Variants in MCM3 observed in about 807,000 individuals in gnomAD.
MCM3 encodes the protein DNA replication licensing factor MCM3.
Under a neutral mutation model 91.3 loss-of-function variants are expected in MCM3, and 59 were observed. The ratio of observed to expected loss-of-function variants is 0.65; its 90% confidence interval spans 0.52 to 0.80. The LOEUF is 0.80. MCM3 is among the 30% of genes least tolerant of loss of function. MCM3 has a pLI of 0.00. For missense variants in MCM3, 919 were observed against 1,035.4 expected (o/e 0.89, Z 1.54); for synonymous variants, 383 against 379.6 (o/e 1.01, Z -0.10).
chr6:52,266,716 T>C lies in MCM3; in HGVS notation c.2073-20A>G, dbSNP rs1562372998. 1 of 1,599,180 alleles carries C rather than the reference T, an allele frequency of 6.3e-7. No homozygotes were observed. The highest frequency in any genetic ancestry group is 8.6e-7 in the Non-Finnish European group (1 of 1,166,510). On this transcript the variant is annotated intron_variant, in intron 14 of 16. Coordinates refer to ENST00000596288, the MANE Select transcript of MCM3 (RefSeq NM_002388.6). ...TTCCTTCTAAAATACCCACAGCAGTTAAGAGAGAGAAAGAGTTTGGAGACA... is the reference window on the plus strand; with the variant it reads ...TTCCTTCTAAAATACCCACAGCAGTCAAGAGAGAGAAAGAGTTTGGAGACA...
rs1415108126 is a variant in MCM3, at chr6:52,282,718, G to C, written c.335C>G (p.Ser112Cys). 1 of 1,613,988 alleles carries C rather than the reference G, an allele frequency of 6.2e-7. No homozygotes were observed. The highest frequency in any genetic ancestry group is 8.5e-7 in the Non-Finnish European group (1 of 1,180,024). ...GAAGCAGGAGGTAAGAGTCCGCGGG[G>C]AGACGTGCTTGGAGCCAAAGCTGCC... ...LEGSFGSKHVSPRTLTSCFLS... is the reference protein window; with the variant it reads ...LEGSFGSKHVCPRTLTSCFLS... Residue 112 changes from serine (S) to cysteine (C), a missense_variant, in exon 3 of 17, where the codon TCC becomes TGC. Physicochemically the swap from Ser to Cys is moderately radical, Grantham distance 112. Around this residue, in one of 3 missense-constraint regions of MCM3, gnomAD observed 401 missense variants for 402.7 expected, o/e 1.00. Coordinates refer to ENST00000596288, the MANE Select transcript of MCM3 (RefSeq NM_002388.6).
chr6:52,277,019 T>C (rs201805667), intron 8 of MCM3, 48 bp downstream of exon 8: 31 of 1,588,520 alleles, frequency 2.0e-5, no homozygotes, highest in Non-Finnish European at 2.5e-5. Flanking sequence ...AAAGGATCTA[T>C]GCTCAGGCTC....
chr6:52,268,117 G>A (rs1056137974), intron 13 of MCM3, 149 bp from the exon 14 acceptor site: 1 of 1,035,420 alleles, frequency 9.7e-7, no homozygotes, highest in Non-Finnish European at 1.4e-6. Context: ...TAAGTCCCAG[G>A]ACCAGGGGCA....
At chr6:52,272,221 T>C in intron 12 of MCM3, 80 bp downstream of exon 12, 1 of 1,448,030 alleles carries the variant, frequency 6.9e-7, no homozygotes, top group East Asian at 2.3e-5. Context: ...TAAAATGCTT[T>C]CAAAGCTCCC....
chr6:52,265,583 A>G (rs1464389107), intron 16 of MCM3, among the ~76,000 whole-genome samples: 1 of 152,124 alleles, frequency 6.6e-6, no homozygotes, highest in Non-Finnish European at 1.5e-5. Flanking sequence ...AATTTTTTTC[A>G]GTAAATACAC....
chr6:52,282,284 C>T, intron 3 of MCM3, 109 bp from the exon 4 acceptor site: 1 of 971,840 alleles, frequency 1.0e-6, no homozygotes, highest in South Asian at 1.5e-5. Context: ...GTTTTTTTGA[C>T]TAGGTTACGA....
rs1012570000 is a variant in MCM3, at chr6:52,273,681, A to G, written c.1549+61T>C. On this transcript the variant is annotated intron_variant, in intron 10 of 16. Transcript: ENST00000596288. ...CCTACCACCACCTGGGTTGGGCCTG[A>G]GAAACTACCATCTGTTTAGCGCCTT... The G allele has an allele frequency of 3.3e-6, 5 of 1,527,724 alleles. No homozygotes were observed. The Admixed American group carries it at 7.5e-5, about 23-fold the overall frequency. 94.6% of individuals were successfully genotyped at this position (1,527,724 alleles called of 1,614,324 possible).
At chr6:52,278,694 C>T in intron 6 of MCM3, 48 bp downstream of exon 6, 1 of 1,337,552 alleles carries the variant, frequency 7.5e-7, no homozygotes, top group Non-Finnish European at 1.1e-6. Context: ...CAAAACACAA[C>T]TCTTAGAAAT....
At chr6:52,277,786 G>C (rs925305196) in intron 6 of MCM3, 98 bp from the exon 7 acceptor site, 76 of 1,090,892 alleles carry the variant, frequency 7.0e-5, no homozygotes, top group Non-Finnish European at 9.1e-5. Flanking sequence ...TACTTGAAGA[G>C]GGCCAGGCGC....
At chr6:52,265,038 C>T (rs975962604) in intron 16 of MCM3, among the ~76,000 whole-genome samples, 2 of 152,144 alleles carry the variant, frequency 1.3e-5, no homozygotes, top group African/African-American at 2.4e-5. Context: ...AGCGTCAATG[C>T]GGGACAATTT....
rs759219100 is a variant in MCM3, at chr6:52,283,278, T to C, written c.191+16A>G. 3.5e-5 allele frequency: 56 copies of C among 1,602,996 alleles called. No homozygotes were observed. The Middle Eastern group carries it at 5.0e-4, about 14-fold the overall frequency. On this transcript the variant is annotated intron_variant, in intron 2 of 16. Coordinates refer to ENST00000596288, the MANE Select transcript of MCM3 (RefSeq NM_002388.6). ...GCCATTCTCACTGACAGCCAGTATA[T>C]CCCCTTGCCTCTCACCGGTTAGCCC...
chr6:52,264,869 G>A (rs2307326), intron 16 of MCM3, 83 bp from the exon 17 acceptor site: 640,260 of 1,137,640 alleles, frequency 0.56, 184,695 homozygotes, highest in Middle Eastern at 0.65. Context: ...AAAATCCATA[G>A]TATTAATACA....
chr6:52,281,520 T>C (rs1196639917), intron 4 of MCM3, among the ~76,000 whole-genome samples: 1 of 150,566 alleles, frequency 6.6e-6, no homozygotes, highest in Non-Finnish European at 1.5e-5. Context: ...TAGAAAAAAG[T>C]GAAAAAAAAA....
rs1245344944 is a variant in MCM3, at chr6:52,272,380, G to A, written c.1748C>T (p.Thr583Ile). ...TGCAATGTAGGTGGCCGACTCCTGTGTCAGGACAGGCTTGATGATTTTGGC... is the reference window on the plus strand; with the variant it reads ...TGCAATGTAGGTGGCCGACTCCTGTATCAGGACAGGCTTGATGATTTTGGC... ...HVAKIIKPVL[T>I]QESATYIAEE... The change falls in exon 12 of 17, where the codon ACA becomes ATA. Residue 583 changes from threonine to isoleucine, a missense_variant. Transcript: ENST00000596288. 2 of 1,614,060 alleles carry A rather than the reference G, an allele frequency of 1.2e-6. No individual in the cohort carries two copies. The highest frequency in any genetic ancestry group is 1.3e-5 in the African/African-American group (1 of 74,920).
At chr6:52,271,004 A>G (rs1765089915) in intron 12 of MCM3, among the ~76,000 whole-genome samples, 1 of 151,818 alleles carries the variant, frequency 6.6e-6, no homozygotes, top group South Asian at 2.1e-4. Flanking sequence ...CGAGGTCAGG[A>G]GATTGAGACC....
chr6:52,275,039 C>T (rs1239261065), intron 9 of MCM3, among the ~76,000 whole-genome samples: 2 of 152,160 alleles, frequency 1.3e-5, no homozygotes, highest in Admixed American at 6.6e-5. Context: ...GCTAGGATTA[C>T]AGGCATGAGA....
chr6:52,264,331 C>A lies in MCM3; in HGVS notation c.*257G>T, dbSNP rs924258455. 2 of 456,894 alleles carry A rather than the reference C, an allele frequency of 4.4e-6. No homozygotes were observed. The highest frequency in any genetic ancestry group is 3.6e-5 in the Admixed American group (1 of 27,760). The allele number at this position is 456,894 out of a possible 1,614,324, so 28.3% of individuals were successfully genotyped here. A position where few individuals can be genotyped will look rare whatever the true frequency, so the allele number is the denominator to read the frequency against. ...TGGGATGGGAAGTAGGGCGGATGAG[C>A]CAGTGCTTTTGCAATGAAGATGCAA... On this transcript the variant is annotated 3_prime_UTR_variant, in exon 17 of 17. Coordinates refer to ENST00000596288, the MANE Select transcript of MCM3 (RefSeq NM_002388.6).
intron 12 of MCM3, among the ~76,000 whole-genome samples, chr6:52,271,645 CA>C (rs1489901449): frequency 6.6e-6 from 1 of 151,862 alleles, no homozygotes; most frequent in East Asian, 1.9e-4. Flanking sequence ...TCTGTCTCAC[CA>C]AAACAAAAAC....
intron 14 of MCM3, among the ~76,000 whole-genome samples, chr6:52,267,648 C>A (rs1034759359): frequency 6.6e-6 from 1 of 151,910 alleles, no homozygotes; most frequent in African/African-American, 2.4e-5. Flanking sequence ...CGACCCCAGC[C>A]TACCGAGCAG....
Sources: allele counts gnomAD v4.1 joint callset (sites outside exome capture counted in the v4.1 genomes callset), GRCh38; gene constraint gnomAD v4.1.1; regional missense constraint gnomAD v4.1.1; transcripts MANE v1.5; gene names NCBI Gene and HGNC (gene_info 2026-07-23, HGNC 2026-07-21).